The following RBFOX1 variants were observed in gnomAD, a reference collection of about 807,000 sequenced individuals.
RBFOX1 encodes RNA binding protein fox-1 homolog 1.
RBFOX1 carries 8 observed loss-of-function variants against 57.7 expected under a neutral mutation model. That is an observed-to-expected ratio of 0.14 (90% CI 0.08 to 0.25). RBFOX1 has a LOEUF of 0.25. RBFOX1 is among the 10% of genes least tolerant of loss of function. The probability of loss-of-function intolerance (pLI) is 1.00; values close to 1 mark genes in which losing one functional copy is unlikely to be tolerated. For synonymous variants in RBFOX1, 326 were observed against 222.4 expected (o/e 1.47, Z -4.15); for missense variants, 611 against 548.5 (o/e 1.11, Z -1.14).
At chr16:5,376,986 TTACCTGCTAAATAAAC>T (rs1436460518) in intron 1 of RBFOX1, among the ~76,000 whole-genome samples, 1 of 150,860 alleles carries the variant, frequency 6.6e-6, no homozygotes, top group Non-Finnish European at 1.5e-5. Flanking sequence ...ACTCAGGGGC[TTACCTGCTAAATAAAC>T]TACCTGTACT....
chr16:6,763,813 A>C (rs961252204), intron 3 of RBFOX1, among the ~76,000 whole-genome samples: 3 of 152,080 alleles, frequency 2.0e-5, no homozygotes, highest in Non-Finnish European at 4.4e-5. Context: ...TGGGAATAGC[A>C]AATGGTCTTT....
At chr16:5,897,016 C>CTTTTTTTTT (rs575235024) in intron 4 of RBFOX1, among the ~76,000 whole-genome samples, 733 of 56,446 alleles carry the variant, frequency 0.013, 104 homozygotes, top group African/African-American at 0.025. Context: ...TATCCATCCG[C>CTTTTTTTTT]TTTTTTTTTT....
intron 2 of RBFOX1, among the ~76,000 whole-genome samples, chr16:6,380,006 C>G (rs1349790768): frequency 6.6e-6 from 1 of 152,094 alleles, no homozygotes; most frequent in Non-Finnish European, 1.5e-5. Context: ...GGGACACCTT[C>G]CCTGTTAACA....
chr16:6,845,874 T>C (rs2093728344), intron 3 of RBFOX1, among the ~76,000 whole-genome samples: 1 of 152,244 alleles, frequency 6.6e-6, no homozygotes, highest in African/African-American at 2.4e-5. Flanking sequence ...TGGCTATTCC[T>C]TCTGATTCTT....
At chr16:6,956,730 T>C (rs2081929013) in intron 3 of RBFOX1, among the ~76,000 whole-genome samples, 1 of 152,198 alleles carries the variant, frequency 6.6e-6, no homozygotes, top group African/African-American at 2.4e-5. Flanking sequence ...CAATTTAATA[T>C]CATCTTCGAT....
intron 2 of RBFOX1, among the ~76,000 whole-genome samples, chr16:6,495,609 C>G (rs918403835): frequency 3.3e-5 from 5 of 152,230 alleles, no homozygotes; most frequent in African/African-American, 1.2e-4. Context: ...CAGCCCTTAG[C>G]TCACAGCTCT....
intron 3 of RBFOX1, among the ~76,000 whole-genome samples, chr16:6,684,676 G>A (rs1268864637): frequency 6.6e-6 from 1 of 152,144 alleles, no homozygotes; most frequent in Non-Finnish European, 1.5e-5. Flanking sequence ...AGTTGATCTG[G>A]AGCCCTAGAG....
intron 4 of RBFOX1, among the ~76,000 whole-genome samples, chr16:7,276,111 C>T (rs2095435115): frequency 6.6e-6 from 1 of 152,198 alleles, no homozygotes; most frequent in Non-Finnish European, 1.5e-5. Context: ...CCAGACAAAT[C>T]AGGCTTGTAG....
intron 2 of RBFOX1, among the ~76,000 whole-genome samples, chr16:6,628,712 A>G (rs1432430806): frequency 1.3e-5 from 2 of 152,076 alleles, no homozygotes; most frequent in Non-Finnish European, 2.9e-5. Context: ...CCTTGAAGGG[A>G]CCGTTTGATG....
At chr16:5,375,183 G>A (rs1371102451) in intron 1 of RBFOX1, among the ~76,000 whole-genome samples, 2 of 151,684 alleles carry the variant, frequency 1.3e-5, no homozygotes, top group East Asian at 3.9e-4. Context: ...ACTTCTCAGA[G>A]CCTTTAGCAC....
At chr16:6,452,703 G>A (rs1182178178) in intron 2 of RBFOX1, among the ~76,000 whole-genome samples, 1 of 152,204 alleles carries the variant, frequency 6.6e-6, no homozygotes, top group Non-Finnish European at 1.5e-5. Flanking sequence ...GACTATAGGT[G>A]GTTCACAGTT....
At chr16:5,656,123 G>T (rs1440086374) in intron 3 of RBFOX1, among the ~76,000 whole-genome samples, 1 of 152,186 alleles carries the variant, frequency 6.6e-6, no homozygotes, top group Non-Finnish European at 1.5e-5. Context: ...TAACTTGAAT[G>T]ATTTGGGGCT....
intron 4 of RBFOX1, among the ~76,000 whole-genome samples, chr16:7,323,813 T>A (rs1423800534): frequency 1.3e-5 from 2 of 152,160 alleles, no homozygotes; most frequent in Non-Finnish European, 2.9e-5. Context: ...GAGGAAGGAA[T>A]GAAGAAGAGA....
At chr16:6,715,399 T>C (rs965189814) in intron 3 of RBFOX1, among the ~76,000 whole-genome samples, 3 of 152,174 alleles carry the variant, frequency 2.0e-5, no homozygotes, top group African/African-American at 7.2e-5. Flanking sequence ...TGCTGCATTA[T>C]AAATATGTGA....
At chr16:6,691,357 C>T (rs1030194249) in intron 3 of RBFOX1, among the ~76,000 whole-genome samples, 1 of 152,142 alleles carries the variant, frequency 6.6e-6, no homozygotes, top group African/African-American at 2.4e-5. Context: ...ATTTTGCCAT[C>T]ATTCTTCACT....
chr16:7,355,862 C>G (rs996185952), intron 4 of RBFOX1, among the ~76,000 whole-genome samples: 3 of 152,236 alleles, frequency 2.0e-5, no homozygotes, highest in African/African-American at 4.8e-5. Flanking sequence ...ATTTGCAGCT[C>G]CCTCCACCTG....
intron 3 of RBFOX1, among the ~76,000 whole-genome samples, chr16:6,719,425 C>T (rs1387060625): frequency 2.0e-5 from 3 of 150,066 alleles, no homozygotes; most frequent in African/African-American, 5.0e-5. Flanking sequence ...AGCATAGTTT[C>T]CTCATCTTCA....
chr16:6,058,636 A>G (rs1596804492), intron 1 of RBFOX1, among the ~76,000 whole-genome samples: 1 of 143,394 alleles, frequency 7.0e-6, no homozygotes, highest in African/African-American at 2.6e-5. Context: ...CTACCCACCC[A>G]TCCACCCATC....
chr16:6,969,639 G>A (rs192283892), intron 3 of RBFOX1, among the ~76,000 whole-genome samples: 88 of 152,258 alleles, frequency 5.8e-4, no homozygotes, highest in Non-Finnish European at 9.7e-4. Flanking sequence ...AGCTACTCGG[G>A]AGGCTGAGGT....
Sources: gnomAD v4.1 joint callset for allele counts (sites outside exome capture counted in the v4.1 genomes callset) on GRCh38, gnomAD v4.1.1 for gene constraint, MANE v1.5 for transcripts, NCBI Gene and HGNC (gene_info 2026-07-23, HGNC 2026-07-21) for gene names.